The following REG4 variants were observed in gnomAD, a reference collection of about 807,000 sequenced individuals.
REG4 encodes the protein regenerating family member 4.
A neutral mutation model predicts 22.3 loss-of-function variants in REG4; 16 were observed. The observed-to-expected ratio is 0.72, with a 90% CI of 0.49 to 1.09. The LOEUF is 1.09. Among genes scored for constraint, REG4 ranks in the 50% least tolerant of loss-of-function variants. The pLI, the probability that REG4 is intolerant of heterozygous loss-of-function variation, is 0.00. For missense variants in REG4, 214 were observed against 193.9 expected (o/e 1.10, Z -0.61); for synonymous variants, 71 against 69.2 (o/e 1.03, Z -0.13).
chr1:119,801,926 T>C (rs1654116219), intron 3 of REG4: 1 of 151,480 alleles, frequency 6.6e-6, no homozygotes, highest in Admixed American at 6.6e-5. Context: ...GACAAGTCCA[T>C]GAGGTAAAAA....
chr1:119,807,954 CA>C (rs1160622595), intron 2 of REG4, among the ~76,000 whole-genome samples: 2 of 152,200 alleles, frequency 1.3e-5, no homozygotes, highest in African/African-American at 4.8e-5. Flanking sequence ...ATTCTTCACT[CA>C]CTCTTACATG....
intron 2 of REG4, among the ~76,000 whole-genome samples, chr1:119,808,460 A>G (rs1654392563): frequency 6.6e-6 from 1 of 152,262 alleles, no homozygotes; most frequent in African/African-American, 2.4e-5. Flanking sequence ...AACTTGCCAA[A>G]TTAATATTAT....
chr1:119,800,965 A>G (rs1407144761), intron 3 of REG4, among the ~76,000 whole-genome samples: 1 of 152,194 alleles, frequency 6.6e-6, no homozygotes, highest in Non-Finnish European at 1.5e-5. Flanking sequence ...GTATGTCTGC[A>G]TATCGATCCC....
At chr1:119,808,596 A>G (rs1002896177) in intron 2 of REG4, 107 bp downstream of exon 2, 3 of 770,318 alleles carry the variant, frequency 3.9e-6, no homozygotes, top group South Asian at 3.4e-5. Context: ...TTAAAAACCT[A>G]TTTCCTGCAG....
At chr1:119,807,661 A>T (rs919318531) in intron 2 of REG4, among the ~76,000 whole-genome samples, 8 of 152,182 alleles carry the variant, frequency 5.3e-5, no homozygotes, top group Admixed American at 3.3e-4. Flanking sequence ...TGCATGGCTG[A>T]GTTCCACAGG....
intron 2 of REG4, among the ~76,000 whole-genome samples, chr1:119,806,131 A>G (rs1013793743): frequency 5.3e-5 from 8 of 152,080 alleles, no homozygotes; most frequent in African/African-American, 1.9e-4. Context: ...AGAGACAGAC[A>G]GAGTTTCGCC....
chr1:119,803,197 T>C (rs778099126), intron 2 of REG4, 32 bp from the exon 3 acceptor site: 1 of 1,497,016 alleles, frequency 6.7e-7, no homozygotes, highest in African/African-American at 1.4e-5. Flanking sequence ...TTGCACATTA[T>C]GATAGCAAAA....
chr1:119,808,549 A>AT (rs1654395968), intron 2 of REG4, among the ~76,000 whole-genome samples, 154 bp downstream of exon 2: 1 of 152,168 alleles, frequency 6.6e-6, no homozygotes, highest in Non-Finnish European at 1.5e-5. Context: ...GAGCCCTTGA[A>AT]TTTTTTAGTA....
rs1164408147 is a variant in REG4 at position 119,794,520 on chromosome 1, C to A, written c.*98G>T. The A allele has an allele frequency of 8.8e-7, 1 of 1,142,540 alleles. No individual in the cohort carries two copies. Among genetic ancestry groups the A allele is most frequent in the Non-Finnish European group, 1.3e-6 (1 of 752,890 alleles). 70.8% of individuals were successfully genotyped at this position (1,142,540 alleles called of 1,614,324 possible). ...TAGGGCCCTTATCACTCTTAGTTTG[C>A]TAGGTTTCCCCTCTGAAATAATGAG... On this transcript the variant is annotated 3_prime_UTR_variant, in exon 6 of 6. Transcript: ENST00000256585.
intron 2 of REG4, among the ~76,000 whole-genome samples, chr1:119,804,342 G>T (rs114513491): frequency 6.6e-6 from 1 of 152,148 alleles, no homozygotes; most frequent in Non-Finnish European, 1.5e-5. Flanking sequence ...CTCTCTGCTC[G>T]TCTAGCATGT....
At chr1:119,799,564 C>A (rs587669897) in intron 4 of REG4, among the ~76,000 whole-genome samples, 161 bp downstream of exon 4, 3 of 152,350 alleles carry the variant, frequency 2.0e-5, no homozygotes, top group East Asian at 3.9e-4. Context: ...AGGGCCAGAA[C>A]TGGGCCCCTG....
chr1:119,805,043 G>A (rs1016509179), intron 2 of REG4, among the ~76,000 whole-genome samples: 12 of 152,194 alleles, frequency 7.9e-5, no homozygotes, highest in African/African-American at 9.7e-5. Flanking sequence ...CTGCTTTGCA[G>A]ATCCAGTTCT....
chr1:119,804,528 T>C (rs1654231611), intron 2 of REG4, among the ~76,000 whole-genome samples: 1 of 152,240 alleles, frequency 6.6e-6, no homozygotes. Flanking sequence ...AGGCAGGAAA[T>C]GTTTCAGTGA....
intron 5 of REG4, among the ~76,000 whole-genome samples, chr1:119,796,649 C>A (rs1653945986): frequency 6.6e-6 from 1 of 152,152 alleles, no homozygotes; most frequent in South Asian, 2.1e-4. Flanking sequence ...TACCTTCCAC[C>A]AGTTTCTCTC....
At chr1:119,806,415 A>C (rs1654321272) in intron 2 of REG4, among the ~76,000 whole-genome samples, 1 of 152,228 alleles carries the variant, frequency 6.6e-6, no homozygotes, top group Non-Finnish European at 1.5e-5. Context: ...TAAATGATAA[A>C]GGTAAGATTT....
rs587600446 is a variant in REG4, at chr1:119,806,548, C to G, written c.67+2155G>C. 9.2e-5 allele frequency among the ~76,000 whole-genome samples: 14 copies of G among 152,330 alleles called. No individual in the cohort carries two copies. The East Asian group carries it at 1.7e-3, about 19-fold the overall frequency. ...AGATTATTTTGTTTAATTACCAGAG[C>G]CTCCCTGAGAGATAGGTGTGGATAA... On this transcript the variant is annotated intron_variant, in intron 2 of 5. Coordinates refer to ENST00000256585, the MANE Select transcript of REG4 (RefSeq NM_032044.4).
In REG4 at chr1:119,808,158, C is replaced by T. The variant is rs587731810; in HGVS notation, c.67+545G>A. ...CCATTTCTGGTATTCTGTGACATTT[C>T]TTCTTAGCTCACTCGTACACTGTTC... On this transcript the variant is annotated intron_variant, in intron 2 of 5. Coordinates refer to ENST00000256585, the MANE Select transcript of REG4 (RefSeq NM_032044.4). Among the ~76,000 whole-genome samples, 13 of 152,330 alleles carry T rather than the reference C, an allele frequency of 8.5e-5. No individual in the cohort carries two copies. In the South Asian group the frequency reaches 1.7e-3, roughly 19 times the overall value.
At chr1:119,796,019 A>C (rs1337629238) in intron 5 of REG4, among the ~76,000 whole-genome samples, 1 of 152,222 alleles carries the variant, frequency 6.6e-6, no homozygotes, top group East Asian at 1.9e-4. Flanking sequence ...TCAGAGGCGG[A>C]GTGCAGGGAA....
At chr1:119,799,368 TG>T (rs1266203684) in intron 4 of REG4, among the ~76,000 whole-genome samples, 1 of 151,718 alleles carries the variant, frequency 6.6e-6, no homozygotes, top group Non-Finnish European at 1.5e-5. Context: ...CAAGATCCAA[TG>T]GAGATTTGAT....
Sources: gnomAD v4.1 joint callset for allele counts (sites outside exome capture counted in the v4.1 genomes callset) on GRCh38, gnomAD v4.1.1 for gene constraint, MANE v1.5 for transcripts, NCBI Gene and HGNC (gene_info 2026-07-23, HGNC 2026-07-21) for gene names.